RBFOX1: variants seen among roughly 807,000 people sequenced by gnomAD.
RBFOX1 encodes RNA binding protein fox-1 homolog 1.
In RBFOX1, 8 loss-of-function variants were observed where a neutral mutation model predicts 57.7. The ratio of observed to expected loss-of-function variants is 0.14; its 90% CI spans 0.08 to 0.25. RBFOX1 has a LOEUF of 0.25. Among genes scored for constraint, RBFOX1 ranks in the 10% least tolerant of loss-of-function variants. RBFOX1 has a pLI of 1.00. For synonymous variants in RBFOX1, 326 were observed against 222.4 expected (o/e 1.47, Z -4.15); for missense variants, 611 against 548.5 (o/e 1.11, Z -1.14).
intron 2 of RBFOX1, among the ~76,000 whole-genome samples, chr16:5,569,783 G>A (rs536239187): frequency 4.6e-5 from 7 of 152,040 alleles, no homozygotes; most frequent in South Asian, 2.1e-4. Context: ...ACATCCTGCC[G>A]TGGGAATATG....
chr16:5,338,083 G>GA (rs2064943226), intron 1 of RBFOX1, among the ~76,000 whole-genome samples: 1 of 152,134 alleles, frequency 6.6e-6, no homozygotes. Context: ...TTCTTCTAGG[G>GA]ATAGAGGGTG....
rs369727505 is a variant in RBFOX1, at chr16:6,885,245, C to T, written c.-15-166812C>T. ...TGGTTTTTCAGATGTGGTCTCCAGT[C>T]CAGCAGCGTCAGCATCACCTGGAAA... On this transcript the variant is annotated intron_variant, in intron 3 of 15. Coordinates refer to ENST00000550418, the MANE Select transcript of RBFOX1 (RefSeq NM_018723.4). Among the ~76,000 whole-genome samples the T allele has an allele frequency of 7.2e-5, 11 of 152,286 alleles. 2 individuals carry two copies. Among genetic ancestry groups the T allele is most frequent in the East Asian group, 1.9e-4 (1 of 5,162 alleles).
intron 3 of RBFOX1, among the ~76,000 whole-genome samples, chr16:5,663,597 T>C (rs1341065250): frequency 1.3e-5 from 2 of 152,150 alleles, no homozygotes; most frequent in Non-Finnish European, 2.9e-5. Flanking sequence ...TATTCAACAC[T>C]GCATCATTCA....
chr16:6,604,614 T>A (rs9935766), intron 2 of RBFOX1, among the ~76,000 whole-genome samples: 81,561 of 152,010 alleles, frequency 0.54, 22,510 homozygotes, highest in East Asian at 0.66. Context: ...ATTACTGTTG[T>A]ATATGGGTAC....
intron 3 of RBFOX1, among the ~76,000 whole-genome samples, chr16:6,919,483 AC>A (rs1341032053): frequency 6.6e-6 from 1 of 151,960 alleles, no homozygotes; most frequent in African/African-American, 2.4e-5. Flanking sequence ...TCAGCATCAC[AC>A]ACTAATAAAG....
At chr16:6,071,729 A>T (rs1480011425) in intron 1 of RBFOX1, among the ~76,000 whole-genome samples, 1 of 152,160 alleles carries the variant, frequency 6.6e-6, no homozygotes, top group African/African-American at 2.4e-5. Context: ...AGCTAATTGA[A>T]CAACCACCGA....
intron 4 of RBFOX1, among the ~76,000 whole-genome samples, chr16:6,001,846 A>G (rs746820543): frequency 4.6e-5 from 7 of 152,112 alleles, no homozygotes; most frequent in Non-Finnish European, 7.4e-5. Flanking sequence ...GGAATATCCA[A>G]TGGGACTCAG....
intron 1 of RBFOX1, among the ~76,000 whole-genome samples, chr16:6,091,828 C>T (rs1293444420): frequency 6.6e-6 from 1 of 152,110 alleles, no homozygotes; most frequent in Non-Finnish European, 1.5e-5. Context: ...GAGACTCTGT[C>T]TCAAAAAAAC....
intron 1 of RBFOX1, among the ~76,000 whole-genome samples, chr16:5,392,514 GAT>G (rs202098635): frequency 2.0e-5 from 3 of 149,666 alleles, no homozygotes; most frequent in African/African-American, 2.5e-5. Flanking sequence ...TATGTCTAAT[GAT>G]ATATATATAT....
At chr16:6,980,496 C>A (rs1049555461) in intron 3 of RBFOX1, among the ~76,000 whole-genome samples, 8 of 152,108 alleles carry the variant, frequency 5.3e-5, no homozygotes, top group Non-Finnish European at 1.2e-4. Context: ...GTTTGCATTC[C>A]TAGGCCCACT....
intron 3 of RBFOX1, among the ~76,000 whole-genome samples, chr16:5,824,005 G>A (rs986744696): frequency 5.9e-5 from 9 of 152,124 alleles, no homozygotes; most frequent in African/African-American, 1.7e-4. Flanking sequence ...CTGATCTATG[G>A]TATAAGAGTT....
At chr16:5,684,602 C>T (rs1267125253) in intron 3 of RBFOX1, among the ~76,000 whole-genome samples, 3 of 152,268 alleles carry the variant, frequency 2.0e-5, no homozygotes, top group Admixed American at 6.5e-5. Context: ...AATGACCCCA[C>T]GGTTAATAAA....
chr16:6,676,673 C>CTTTTTTT (rs756578276), intron 3 of RBFOX1, among the ~76,000 whole-genome samples: 35 of 103,550 alleles, frequency 3.4e-4, no homozygotes, highest in African/African-American at 4.7e-4. Flanking sequence ...TTTTTCTTTT[C>CTTTTTTT]TTTTTTTTTT....
chr16:6,256,609 A>C (rs915776895), intron 1 of RBFOX1, among the ~76,000 whole-genome samples: 5 of 152,086 alleles, frequency 3.3e-5, no homozygotes, highest in African/African-American at 9.7e-5. Context: ...TGTGCTTAGG[A>C]CAGGTGCTGG....
intron 3 of RBFOX1, among the ~76,000 whole-genome samples, chr16:6,933,135 C>T (rs946633166): frequency 1.3e-5 from 2 of 152,152 alleles, no homozygotes; most frequent in African/African-American, 4.8e-5. Flanking sequence ...TCTCTTATCC[C>T]TCCATTCATC....
intron 2 of RBFOX1, among the ~76,000 whole-genome samples, chr16:6,329,924 G>A (rs1466066092): frequency 6.6e-6 from 1 of 152,146 alleles, no homozygotes; most frequent in African/African-American, 2.4e-5. Context: ...GGTGACAGAA[G>A]TGAGACTCTG....
intron 4 of RBFOX1, among the ~76,000 whole-genome samples, chr16:7,130,458 C>G (rs1020458655): frequency 6.6e-6 from 1 of 152,166 alleles, no homozygotes; most frequent in Non-Finnish European, 1.5e-5. Context: ...TCCTTTTAGG[C>G]AAAAGTGATC....
At chr16:6,627,156 G>A (rs1279837764) in intron 2 of RBFOX1, among the ~76,000 whole-genome samples, 3 of 152,106 alleles carry the variant, frequency 2.0e-5, no homozygotes, top group South Asian at 2.1e-4. Context: ...CATCCAACCC[G>A]CATTACTCCT....
At chr16:7,463,510 AC>A (rs1279924037) in intron 4 of RBFOX1, among the ~76,000 whole-genome samples, 1 of 152,078 alleles carries the variant, frequency 6.6e-6, no homozygotes, top group East Asian at 1.9e-4. Flanking sequence ...TCTCAAAAAA[AC>A]AAAAAAAGGT....
Sources: gnomAD v4.1 joint callset for allele counts (sites outside exome capture counted in the v4.1 genomes callset) on GRCh38, gnomAD v4.1.1 for gene constraint, MANE v1.5 for transcripts, NCBI Gene and HGNC (gene_info 2026-07-23, HGNC 2026-07-21) for gene names.